Variants in WWC2 observed in about 807,000 individuals in gnomAD.
WWC2 encodes protein WWC2.
Under a neutral mutation model 138.5 loss-of-function variants are expected in WWC2, and 101 were observed. The observed-to-expected ratio is 0.73, with a 90% CI of 0.62 to 0.86. WWC2 has a LOEUF of 0.86. Ranked by LOEUF, WWC2 falls within the 40% of genes least tolerant of loss-of-function variation. WWC2 has a pLI of 0.00. For missense variants in WWC2, 1,420 were observed against 1,419.4 expected, an observed-to-expected ratio of 1.00 and a Z score of -0.01; for synonymous variants, 558 against 538.4, an observed-to-expected ratio of 1.04 and a Z score of -0.50.
chr4:183,316,378 A>G lies in WWC2; in HGVS notation c.*649A>G, dbSNP rs1241093896. The G allele has an allele frequency of 6.6e-6, 1 of 152,310 alleles. No homozygotes were observed. The highest frequency in any genetic ancestry group is 1.5e-5 in the Non-Finnish European group (1 of 68,088). The allele number at this position is 152,310 out of a possible 1,614,324, so 9.4% of individuals were successfully genotyped here. Reference sequence around the variant, plus strand: ...AGTGCTCTTAAGAATAAAAATAAGAATAAGAATACAAAGGAGCACTACTCT... The same window carrying G: ...AGTGCTCTTAAGAATAAAAATAAGAGTAAGAATACAAAGGAGCACTACTCT... On this transcript the variant is annotated 3_prime_UTR_variant, in exon 23 of 23. Transcript: ENST00000403733.
At chr4:183,249,815 ATCT>A (rs771253483) in intron 7 of WWC2, 102 bp from the exon 8 acceptor site, 6 of 885,624 alleles carry the variant, frequency 6.8e-6, no homozygotes, top group South Asian at 5.4e-5. Flanking sequence ...TTTCAGTACC[ATCT>A]TCTTTAACTT....
intron 1 of WWC2, among the ~76,000 whole-genome samples, chr4:183,168,885 G>A (rs947796655): frequency 2.6e-5 from 4 of 151,416 alleles, no homozygotes; most frequent in African/African-American, 7.3e-5. Flanking sequence ...TTTCACTCTT[G>A]TTGCCCAGGC....
chr4:183,118,233 C>G (rs1732488949), intron 1 of WWC2, among the ~76,000 whole-genome samples: 1 of 152,182 alleles, frequency 6.6e-6, no homozygotes, highest in Non-Finnish European at 1.5e-5. Context: ...AAAGAGCCTT[C>G]ATAAATAGGA....
At chr4:183,172,758 G>A (rs888327931) in intron 1 of WWC2, among the ~76,000 whole-genome samples, 3 of 151,776 alleles carry the variant, frequency 2.0e-5, no homozygotes, top group Non-Finnish European at 4.4e-5. Flanking sequence ...TCAGTTTAGG[G>A]AAATTTTCTT....
At chr4:183,111,720 G>A (rs925504175) in intron 1 of WWC2, among the ~76,000 whole-genome samples, 1 of 150,978 alleles carries the variant, frequency 6.6e-6, no homozygotes, top group African/African-American at 2.4e-5. Flanking sequence ...TTGATACCGG[G>A]TCTCACTCTG....
intron 4 of WWC2, among the ~76,000 whole-genome samples, chr4:183,236,383 G>A (rs1164719710): frequency 6.6e-6 from 1 of 152,080 alleles, no homozygotes; most frequent in Non-Finnish European, 1.5e-5. Flanking sequence ...GGTGCCTTGT[G>A]GTCAGAACAA....
At chr4:183,299,892 A>G (rs1019324527) in intron 21 of WWC2, among the ~76,000 whole-genome samples, 4 of 152,186 alleles carry the variant, frequency 2.6e-5, no homozygotes, top group Non-Finnish European at 5.9e-5. Flanking sequence ...CGAAGCCAGC[A>G]GCAGATCCTG....
rs554019943 is a variant in WWC2, at chr4:183,308,453, C to T, written c.3385-3888C>T. Among the ~76,000 whole-genome samples the T allele has an allele frequency of 5.3e-5, 8 of 152,152 alleles. No individual in the cohort carries two copies. The East Asian group carries it at 1.5e-3, about 29-fold the overall frequency. ...GAATAAAGTTGGAGGACTGACGCTA[C>T]CTGACTTCAAGACTTACTGTAAAGC... On this transcript the variant is annotated intron_variant, in intron 21 of 22. Coordinates refer to ENST00000403733, the MANE Select transcript of WWC2 (RefSeq NM_024949.6).
intron 1 of WWC2, among the ~76,000 whole-genome samples, chr4:183,143,327 C>T (rs1733359140): frequency 6.6e-6 from 1 of 152,122 alleles, no homozygotes; most frequent in Non-Finnish European, 1.5e-5. Flanking sequence ...GTCATGGCAT[C>T]TGCTTTCTCA....
intron 4 of WWC2, among the ~76,000 whole-genome samples, chr4:183,222,938 C>T (rs891705173): frequency 2.6e-5 from 4 of 152,100 alleles, no homozygotes; most frequent in African/African-American, 9.7e-5. Context: ...TGTACTCCAG[C>T]CTGGGAGACA....
chr4:183,315,908 G>A lies in WWC2; in HGVS notation c.*179G>A. On this transcript the variant is annotated 3_prime_UTR_variant, in exon 23 of 23. Transcript: ENST00000403733. ...CATTAATTTGTAAAGTACCTTGAGT[G>A]TAATTTTTATATGCTTAAAAAAGAA... The A allele has an allele frequency of 5.7e-6, 3 of 527,056 alleles. No homozygotes were observed. Among genetic ancestry groups the A allele is most frequent in the Admixed American group, 3.5e-5 (1 of 28,452 alleles). The allele number at this position is 527,056 out of a possible 1,614,324, so 32.6% of individuals were successfully genotyped here. A position where few individuals can be genotyped will look rare whatever the true frequency, so the allele number is the denominator to read the frequency against.
At chr4:183,202,443 A>C (rs1057102961) in intron 2 of WWC2, among the ~76,000 whole-genome samples, 1 of 152,184 alleles carries the variant, frequency 6.6e-6, no homozygotes, top group African/African-American at 2.4e-5. Flanking sequence ...ATCCACTGAC[A>C]AATGGAAAGT....
chr4:183,185,301 A>G (rs1371458909), intron 1 of WWC2, among the ~76,000 whole-genome samples: 1 of 152,200 alleles, frequency 6.6e-6, no homozygotes, highest in African/African-American at 2.4e-5. Flanking sequence ...TGAAATCCAC[A>G]ATGTTGGTCT....
chr4:183,102,487 T>C (rs183785881), intron 1 of WWC2, among the ~76,000 whole-genome samples: 1 of 152,318 alleles, frequency 6.6e-6, no homozygotes, highest in Admixed American at 6.5e-5. Context: ...GATGAGGAAA[T>C]TGAGTCACAG....
chr4:183,235,996 C>T (rs965362768), intron 4 of WWC2, among the ~76,000 whole-genome samples: 9 of 151,962 alleles, frequency 5.9e-5, no homozygotes, highest in Admixed American at 5.9e-4. Flanking sequence ...CAATATCATC[C>T]TTGTTTTAAT....
intron 21 of WWC2, among the ~76,000 whole-genome samples, chr4:183,290,531 CA>C (rs911185223): frequency 1.3e-5 from 2 of 148,724 alleles, no homozygotes; most frequent in Non-Finnish European, 3.0e-5. Context: ...AAAAAAAAAA[CA>C]GTATTTTTAA....
intron 1 of WWC2, among the ~76,000 whole-genome samples, chr4:183,119,963 TA>T (rs1207214219): frequency 6.6e-5 from 10 of 152,212 alleles, no homozygotes; most frequent in Non-Finnish European, 1.2e-4. Flanking sequence ...TCACAGAACT[TA>T]AATTTATTTG....
At chr4:183,291,730 G>T (rs139328451) in intron 21 of WWC2, among the ~76,000 whole-genome samples, 45 of 152,006 alleles carry the variant, frequency 3.0e-4, no homozygotes, top group African/African-American at 1.0e-3. Flanking sequence ...ATATCATAAC[G>T]CAAAGTTTCA....
chr4:183,114,863 C>G (rs192736387), intron 1 of WWC2, among the ~76,000 whole-genome samples: 32 of 152,216 alleles, frequency 2.1e-4, no homozygotes, highest in South Asian at 2.1e-4. Context: ...ATTCTATCGC[C>G]TAGGCTAGAG....
Sources: gnomAD v4.1 joint callset for allele counts (sites outside exome capture counted in the v4.1 genomes callset) on GRCh38, gnomAD v4.1.1 for gene constraint, MANE v1.5 for transcripts, NCBI Gene and HGNC (gene_info 2026-07-23, HGNC 2026-07-21) for gene names.